PCCA: variants seen among roughly 807,000 people sequenced by gnomAD.
PCCA encodes the protein propionyl-CoA carboxylase alpha chain, mitochondrial.
Under a neutral mutation model 101.3 loss-of-function variants are expected in PCCA, and 74 were observed. That is an observed-to-expected ratio of 0.73 (90% CI 0.61 to 0.89). The LOEUF (loss-of-function observed/expected upper bound fraction) is 0.89, where lower values mean the gene tolerates loss of function less well. PCCA is among the 40% of genes least tolerant of loss of function. The pLI is 0.00. For synonymous variants in PCCA, 294 were observed against 313.6 expected, an observed-to-expected ratio of 0.94 and a Z score of 0.66; for missense variants, 891 against 907.0, an observed-to-expected ratio of 0.98 and a Z score of 0.23.
chr13:100,104,864 C>T (rs752420189), intron 2 of PCCA, among the ~76,000 whole-genome samples: 5 of 151,818 alleles, frequency 3.3e-5, no homozygotes, highest in South Asian at 2.1e-4. Flanking sequence ...TCACCATGCC[C>T]GGCTAATTTT....
intron 21 of PCCA, among the ~76,000 whole-genome samples, chr13:100,452,461 C>G (rs1028013745): frequency 6.6e-6 from 1 of 152,172 alleles, no homozygotes. Context: ...GGGCACATGC[C>G]TTAGGGTCTC....
chr13:100,213,238 T>A (rs180719747), intron 7 of PCCA, among the ~76,000 whole-genome samples: 79 of 152,240 alleles, frequency 5.2e-4, no homozygotes, highest in African/African-American at 1.7e-3. Context: ...CTTTCCTTTC[T>A]TTTGGGTATA....
intron 19 of PCCA, among the ~76,000 whole-genome samples, chr13:100,419,626 G>C (rs2078614844): frequency 6.6e-6 from 1 of 152,250 alleles, no homozygotes; most frequent in South Asian, 2.1e-4. Context: ...GAGAAAGGAA[G>C]AGACACAGTT....
intron 12 of PCCA, among the ~76,000 whole-genome samples, chr13:100,299,529 T>G (rs1032714388): frequency 1.3e-5 from 2 of 152,242 alleles, no homozygotes; most frequent in African/African-American, 4.8e-5. Context: ...ACCATAGATG[T>G]GACTCTGTAT....
chr13:100,348,773 T>C lies in PCCA; in HGVS notation c.1643+8514T>C, dbSNP rs199941350. On this transcript the variant is annotated intron_variant, in intron 18 of 23. Coordinates refer to ENST00000376285, the MANE Select transcript of PCCA (RefSeq NM_000282.4). Reference sequence around the variant, plus strand: ...CTTTCTTTCTTTCTTTCTTTCTTTCTTTCTTTCTTTCTTTCTTCCTTCCTT... The same window carrying C: ...CTTTCTTTCTTTCTTTCTTTCTTTCCTTCTTTCTTTCTTTCTTCCTTCCTT... Among the ~76,000 whole-genome samples the C allele has an allele frequency of 4.1e-5, 4 of 96,670 alleles. No individual in the cohort carries two copies. The East Asian group carries it at 9.8e-4, about 24-fold the overall frequency. 63.4% of individuals were successfully genotyped at this position (96,670 alleles called of 152,430 possible). A position where few individuals can be genotyped will look rare whatever the true frequency, so the allele number is the denominator to read the frequency against.
intron 1 of PCCA, among the ~76,000 whole-genome samples, chr13:100,096,825 G>T (rs1418333065): frequency 6.6e-6 from 1 of 152,214 alleles, no homozygotes; most frequent in African/African-American, 2.4e-5. Flanking sequence ...CTTCAGTTCT[G>T]CGAAGGCTGA....
rs1343695825 is a variant in PCCA, at chr13:100,458,427, A to G, written c.1899+9122A>G. 1.2e-3 allele frequency among the ~76,000 whole-genome samples: 112 copies of G among 94,272 alleles called. 2 individuals are homozygous for G. The East Asian group carries it at 0.032, about 27-fold the overall frequency. The allele number at this position is 94,272 out of a possible 152,430, so 61.8% of individuals were successfully genotyped here. ...AGTGGGACCCCATCTCTGCGCGCAC[A>G]CACACACACACATACACACACACAC... On this transcript the variant is annotated intron_variant, in intron 21 of 23. Coordinates refer to ENST00000376285, the MANE Select transcript of PCCA (RefSeq NM_000282.4).
chr13:100,353,501 A>G (rs1252029011), intron 18 of PCCA, among the ~76,000 whole-genome samples: 5 of 152,248 alleles, frequency 3.3e-5, no homozygotes, highest in Non-Finnish European at 5.9e-5. Flanking sequence ...CATATGTGGA[A>G]TTAAGCAATG....
At chr13:100,364,840 C>T (rs1016823678) in intron 18 of PCCA, among the ~76,000 whole-genome samples, 1 of 151,980 alleles carries the variant, frequency 6.6e-6, no homozygotes, top group African/African-American at 2.4e-5. Context: ...CCCTTGAGGC[C>T]AGGAATTCAA....
intron 16 of PCCA, among the ~76,000 whole-genome samples, chr13:100,312,617 G>C (rs1414562085): frequency 1.3e-5 from 2 of 152,170 alleles, no homozygotes; most frequent in African/African-American, 4.8e-5. Flanking sequence ...TGAATTATGA[G>C]CATGTTCACC....
chr13:100,335,117 A>G (rs1477472074), intron 17 of PCCA, among the ~76,000 whole-genome samples: 1 of 152,230 alleles, frequency 6.6e-6, no homozygotes, highest in African/African-American at 2.4e-5. Flanking sequence ...TTGACTCAAG[A>G]GTACTATACC....
At chr13:100,360,009 G>A (rs1171255334) in intron 18 of PCCA, among the ~76,000 whole-genome samples, 1 of 152,140 alleles carries the variant, frequency 6.6e-6, no homozygotes, top group Non-Finnish European at 1.5e-5. Flanking sequence ...TCACCCTGCT[G>A]ATAAAGACAT....
At chr13:100,293,507 G>A (rs2065291266) in intron 12 of PCCA, among the ~76,000 whole-genome samples, 2 of 152,082 alleles carry the variant, frequency 1.3e-5, no homozygotes, top group Non-Finnish European at 2.9e-5. Flanking sequence ...AAAATTTCTA[G>A]ACCTGCCAGA....
chr13:100,094,706 G>T (rs1455838856), intron 1 of PCCA, among the ~76,000 whole-genome samples: 1 of 152,170 alleles, frequency 6.6e-6, no homozygotes. Flanking sequence ...TCCTGCCTCA[G>T]CCTCCTGAGT....
At chr13:100,521,762 G>C (rs2087316395) in intron 22 of PCCA, among the ~76,000 whole-genome samples, 1 of 152,162 alleles carries the variant, frequency 6.6e-6, no homozygotes, top group Non-Finnish European at 1.5e-5. Context: ...GTTCCAAGCA[G>C]ACCAGCCTTT....
chr13:100,129,297 ATT>A (rs1215237585), intron 4 of PCCA, among the ~76,000 whole-genome samples: 1 of 152,220 alleles, frequency 6.6e-6, no homozygotes, highest in Non-Finnish European at 1.5e-5. Flanking sequence ...GACTGATAAA[ATT>A]AATTTCATCT....
rs770619395 is a variant in PCCA at position 100,112,029 on chromosome 13, G to C, written c.268G>C (p.Val90Leu). 6.2e-7 allele frequency: 1 copy of C among 1,611,130 alleles called. No homozygotes were observed. The highest frequency in any genetic ancestry group is 1.1e-5 in the South Asian group (1 of 90,952). The change falls in exon 4 of 24, where the codon GTT (valine) becomes CTT (leucine). Residue 90 changes from valine (V) to leucine (L), a missense_variant. By Grantham distance (32) the Val-to-Leu change is conservative. Transcript: ENST00000376285. ...TTGCAAGAAGATGGGCATTAAGACA[G>C]TTGCCATCCACAGTGATGTTGATGC... ...RTCKKMGIKT[V>L]AIHSDVDASS...
chr13:100,139,542 G>A (rs2051609163), intron 4 of PCCA, among the ~76,000 whole-genome samples: 1 of 150,750 alleles, frequency 6.6e-6, no homozygotes, highest in African/African-American at 2.4e-5. Flanking sequence ...TTTTTAATTT[G>A]ATTATTGCAT....
At chr13:100,213,220 A>G (rs940972627) in intron 7 of PCCA, among the ~76,000 whole-genome samples, 16 of 151,008 alleles carry the variant, frequency 1.1e-4, no homozygotes. Flanking sequence ...TATCTCTTTG[A>G]TAGACTGCTT....
Sources: gnomAD v4.1 joint callset for allele counts (sites outside exome capture counted in the v4.1 genomes callset) on GRCh38, gnomAD v4.1.1 for gene constraint, MANE v1.5 for transcripts, NCBI Gene and HGNC (gene_info 2026-07-23, HGNC 2026-07-21) for gene names.